The following ZNF831 variants were observed in gnomAD, a reference collection of about 807,000 sequenced individuals.
The protein encoded by ZNF831 is chromosome 20 open reading frame 174.
In ZNF831, 59 loss-of-function variants were observed where a neutral mutation model predicts 95.8. The ratio of observed to expected loss-of-function variants is 0.62; its 90% confidence interval spans 0.50 to 0.77. ZNF831 has a LOEUF of 0.77. Among genes scored for constraint, ZNF831 ranks in the 30% least tolerant of loss-of-function variants. The probability of loss-of-function intolerance (pLI) is 0.00; values close to 1 mark genes in which losing one functional copy is unlikely to be tolerated. For missense variants in ZNF831, 2,205 were observed against 2,164.0 expected, an observed-to-expected ratio of 1.02 and a Z score of -0.38; for synonymous variants, 961 against 925.5, an observed-to-expected ratio of 1.04 and a Z score of -0.70.
rs141597823 is a variant in ZNF831, at chr20:59,236,748, T to A, written c.4028-16230T>A. On this transcript the variant is annotated intron_variant, in intron 4 of 5. Transcript: ENST00000371030. Reference sequence around the variant, plus strand: ...AAGTGGATGACAAAGATGTTTTTTGTGGAAAAAAGTCAACTCCTGCCCTTC... The same window carrying A: ...AAGTGGATGACAAAGATGTTTTTTGAGGAAAAAAGTCAACTCCTGCCCTTC... Among the ~76,000 whole-genome samples the A allele has an allele frequency of 2.5e-3, 379 of 152,186 alleles. 1 individual carries two copies. The highest frequency in any genetic ancestry group is 8.7e-3 in the African/African-American group (362 of 41,514).
intron 1 of ZNF831, 96 bp from the exon 2 acceptor site, chr20:59,190,888 C>T (rs1356290252): frequency 8.2e-6 from 9 of 1,091,172 alleles, no homozygotes; most frequent in Admixed American, 3.3e-5. Flanking sequence ...GTCAGGCTTC[C>T]GTTGGGTGAT....
chr20:59,215,512 C>T (rs1000481697), intron 4 of ZNF831, among the ~76,000 whole-genome samples: 11 of 152,208 alleles, frequency 7.2e-5, no homozygotes, highest in African/African-American at 2.4e-4. Flanking sequence ...GAGGCACTTT[C>T]GATTTAGGAA....
intron 2 of ZNF831, 23 bp downstream of exon 2, chr20:59,194,780 G>A (rs1029247641): frequency 1.3e-6 from 2 of 1,531,360 alleles, no homozygotes; most frequent in Non-Finnish European, 1.8e-6. Context: ...TTTGCCCCAG[G>A]GCCCGGGGTT....
chr20:59,252,845 C>A, intron 4 of ZNF831, 133 bp from the exon 5 acceptor site: 2 of 884,920 alleles, frequency 2.3e-6, no homozygotes, highest in Non-Finnish European at 3.3e-6. Flanking sequence ...AAATTGAGTT[C>A]TTGCACACAC....
At chr20:59,147,555 G>A (rs1979942171) in intron 2 of ZNF831, among the ~76,000 whole-genome samples, 1 of 152,232 alleles carries the variant, frequency 6.6e-6, no homozygotes, top group African/African-American at 2.4e-5. Context: ...TGTACAAGCT[G>A]AAATTGGGAA....
intron 2 of ZNF831, among the ~76,000 whole-genome samples, chr20:59,154,152 A>G (rs1441983393): frequency 6.6e-6 from 1 of 152,208 alleles, no homozygotes; most frequent in Non-Finnish European, 1.5e-5. Context: ...TAAAAGTGTC[A>G]CAGGGACCCT....
intron 3 of ZNF831, among the ~76,000 whole-genome samples, chr20:59,199,894 T>C (rs1411629413): frequency 6.6e-6 from 1 of 152,176 alleles, no homozygotes; most frequent in Non-Finnish European, 1.5e-5. Context: ...GAATTTCCTT[T>C]ATTAGAGAAG....
At chr20:59,156,289 G>T (rs1013431801) in intron 2 of ZNF831, among the ~76,000 whole-genome samples, 8 of 152,192 alleles carry the variant, frequency 5.3e-5, no homozygotes, top group African/African-American at 1.9e-4. Flanking sequence ...TCCCAGGGAG[G>T]CTGAGGCGAG....
rs2146579327 is a variant in ZNF831 at position 59,193,232 on chromosome 20, A to G, written c.2213A>G (p.Asp738Gly). 6.3e-7 allele frequency: 1 copy of G among 1,598,710 alleles called. No individual in the cohort carries two copies. Among genetic ancestry groups the G allele is most frequent in the Non-Finnish European group, 8.5e-7 (1 of 1,172,584 alleles). ...TCATCCCCTGCACTGGGTGGCAGAG[A>G]CAGTCCCTGTTCAGGCAGTAGGAGC... ...AVSSPALGGR[D>G]SPCSGSRSPL... Residue 738 changes from aspartate to glycine, a missense_variant, in exon 2 of 6, where the codon GAC becomes GGC. By Grantham distance (94) the Asp-to-Gly change is moderately conservative. Coordinates refer to ENST00000371030, the MANE Select transcript of ZNF831 (RefSeq NM_178457.3).
At chr20:59,144,713 C>T (rs1433951142) in intron 1 of ZNF831, among the ~76,000 whole-genome samples, 1 of 152,166 alleles carries the variant, frequency 6.6e-6, no homozygotes, top group African/African-American at 2.4e-5. Context: ...ACCATTCTTT[C>T]CTCTCCTACC....
In ZNF831 at chr20:59,256,960, C is replaced by A. The variant is rs191758554; in HGVS notation, c.*2217C>A. On this transcript the variant is annotated 3_prime_UTR_variant, in exon 6 of 6. Coordinates refer to ENST00000371030, the MANE Select transcript of ZNF831 (RefSeq NM_178457.3). The stretch of plus-strand genomic sequence containing the variant: ...AACCTATCTGTAGGCTGAACTGGCT[C>A]CTTTGTCTTAGGAGGCACTGGTCAG... 3 of 152,302 alleles carry A rather than the reference C, an allele frequency of 2.0e-5. No homozygotes were observed. The highest frequency in any genetic ancestry group is 4.8e-5 in the African/African-American group (2 of 41,556). 9.4% of individuals were successfully genotyped at this position (152,302 alleles called of 1,614,324 possible). A position where few individuals can be genotyped will look rare whatever the true frequency, so the allele number is the denominator to read the frequency against.
chr20:59,132,420 C>T (rs761412066), intron 1 of ZNF831, among the ~76,000 whole-genome samples: 6 of 151,866 alleles, frequency 4.0e-5, no homozygotes, highest in Non-Finnish European at 8.8e-5. Context: ...TATTGCCAAG[C>T]TGGTCTCCAG....
At chr20:59,228,953 T>C (rs1329748350) in intron 4 of ZNF831, among the ~76,000 whole-genome samples, 1 of 152,208 alleles carries the variant, frequency 6.6e-6, no homozygotes, top group African/African-American at 2.4e-5. Flanking sequence ...AGTTTTTCTT[T>C]ATCTGCCCCT....
At position 59,211,683 on chromosome 20, in the gene ZNF831, G is replaced by A. The variant is rs6026761; in HGVS notation, c.4027+4627G>A. Among the ~76,000 whole-genome samples the A allele has an allele frequency of 8.4e-3, 1,279 of 152,230 alleles. 16 individuals carry two copies. Among genetic ancestry groups the A allele is most frequent in the African/African-American group, 0.029 (1,201 of 41,512 alleles). On this transcript the variant is annotated intron_variant, in intron 4 of 5. Coordinates refer to ENST00000371030, the MANE Select transcript of ZNF831 (RefSeq NM_178457.3). Reference sequence around the variant, plus strand: ...AAAGGAACCCAGAGTTGAGCCTGGCGGTCCACCACTTATAAACAACTTTCT... The same window carrying A: ...AAAGGAACCCAGAGTTGAGCCTGGCAGTCCACCACTTATAAACAACTTTCT...
rs1022939149 is a variant in ZNF831 at position 59,254,394 on chromosome 20, C to T, written c.4685C>T (p.Thr1562Ile). The change falls in exon 6 of 6, where the codon ACT (threonine) becomes ATT (isoleucine). Residue 1562 changes from threonine (T) to isoleucine (I), a missense_variant. Physicochemically the swap from Thr to Ile is moderately conservative, Grantham distance 89. Transcript: ENST00000371030. The surrounding 1 kb of genome is among the most constrained non-coding windows in gnomAD (Gnocchi z 4.5). ...TCAGATTCGGTTCCACTGGAGTCAA[C>T]TGAAAAAACTCATCTTGAAATACCA... Reference protein sequence around the residue: ...RISDSVPLESTEKTHLEIPAS... With the variant: ...RISDSVPLESIEKTHLEIPAS... 4 of 1,614,004 alleles carry T rather than the reference C, an allele frequency of 2.5e-6. No homozygotes were observed. The highest frequency in any genetic ancestry group is 3.4e-6 in the Non-Finnish European group (4 of 1,180,040).
At chr20:59,240,606 C>A (rs1987273903) in intron 4 of ZNF831, among the ~76,000 whole-genome samples, 1 of 151,798 alleles carries the variant, frequency 6.6e-6, no homozygotes, top group African/African-American at 2.4e-5. Context: ...TGGAGACCAT[C>A]CTGGCTAACA....
intron 1 of ZNF831, among the ~76,000 whole-genome samples, chr20:59,178,718 A>G (rs570361130): frequency 6.6e-6 from 1 of 152,350 alleles, no homozygotes; most frequent in African/African-American, 2.4e-5. Flanking sequence ...AAGAAAAAAC[A>G]TGTATTTATT....
rs562852439 is a variant in ZNF831, at chr20:59,164,069, C to T, written c.-175C>T. 2.7e-4 allele frequency among the ~76,000 whole-genome samples: 41 copies of T among 152,228 alleles called. No homozygotes were observed. Among genetic ancestry groups the T allele is most frequent in the African/African-American group, 9.1e-4 (38 of 41,538 alleles). On this transcript the variant is annotated 5_prime_UTR_variant, in exon 1 of 6. The change creates a new upstream start codon in the 5' untranslated region. Transcript: ENST00000371030. ...GAGCTCCCTACAGAGAGTGAGAGCA[C>T]GGGCTCTTGAGCTCATCTCTTCTCT... is the stretch of plus-strand genomic sequence containing the variant.
At chr20:59,147,313 C>T (rs1454716951) in intron 2 of ZNF831, among the ~76,000 whole-genome samples, 1 of 152,258 alleles carries the variant, frequency 6.6e-6, no homozygotes, top group Non-Finnish European at 1.5e-5. Context: ...TGCACAGGCT[C>T]TGAAGGGCCC....
Sources: allele counts gnomAD v4.1 joint callset (sites outside exome capture counted in the v4.1 genomes callset), GRCh38; gene constraint gnomAD v4.1.1; non-coding constraint Gnocchi (gnomAD v3.1); transcripts MANE v1.5; gene names NCBI Gene and HGNC (gene_info 2026-07-23, HGNC 2026-07-21).